UAP1: variants seen among roughly 807,000 people sequenced by gnomAD.
UAP1 encodes UDP-N-acetylhexosamine pyrophosphorylase.
UAP1 carries 25 observed loss-of-function variants against 58.5 expected under a neutral mutation model. That is an observed-to-expected ratio of 0.43 (90% CI 0.31 to 0.60). The LOEUF (loss-of-function observed/expected upper bound fraction) is 0.60. Ranked by LOEUF, UAP1 falls within the 20% of genes least tolerant of loss-of-function variation. The pLI, the probability that UAP1 is intolerant of heterozygous loss-of-function variation, is 0.11. For synonymous variants in UAP1, 208 were observed against 213.0 expected (o/e 0.98, Z 0.21); for missense variants, 575 against 630.0 (o/e 0.91, Z 0.93).
At chr1:162,590,213 A>T (rs1387544636) in intron 7 of UAP1, 110 bp from the exon 8 acceptor site, 1 of 805,762 alleles carries the variant, frequency 1.2e-6, no homozygotes, top group Non-Finnish European at 1.9e-6. Flanking sequence ...CATCATTCAG[A>T]TTGGAATAGG....
At chr1:162,597,746 A>T in intron 9 of UAP1, 46 bp from the exon 10 acceptor site, 1 of 1,545,768 alleles carries the variant, frequency 6.5e-7, no homozygotes, top group Non-Finnish European at 8.9e-7. Flanking sequence ...TCTGGCAAGT[A>T]ACATGGGAAG....
At chr1:162,582,029 A>T (rs1265699756) in intron 5 of UAP1, among the ~76,000 whole-genome samples, 1 of 152,216 alleles carries the variant, frequency 6.6e-6, no homozygotes. Context: ...ACTTTTCAAC[A>T]CGTTTTTAGT....
At chr1:162,595,124 A>G (rs978296829) in intron 9 of UAP1, among the ~76,000 whole-genome samples, 20 of 152,234 alleles carry the variant, frequency 1.3e-4, no homozygotes, top group Admixed American at 7.9e-4. Flanking sequence ...ATTGTGGGGC[A>G]GTAGGTTTAT....
chr1:162,569,960 T>C (rs377100064), intron 2 of UAP1, among the ~76,000 whole-genome samples: 2 of 152,120 alleles, frequency 1.3e-5, no homozygotes, highest in African/African-American at 2.4e-5. Context: ...CCATCCTGGC[T>C]AACACGATGA....
intron 1 of UAP1, 141 bp from the exon 2 acceptor site, chr1:162,565,871 T>G: frequency 1.7e-6 from 1 of 588,582 alleles, no homozygotes; most frequent in East Asian, 2.9e-5. Context: ...AGGTTTGATC[T>G]CTTACAAATA....
At chr1:162,592,880 T>A in intron 9 of UAP1, 98 bp downstream of exon 9, 2 of 1,129,034 alleles carry the variant, frequency 1.8e-6, no homozygotes, top group Non-Finnish European at 2.6e-6. Flanking sequence ...TTTGGGGGTC[T>A]GGAGGGAGGA....
At chr1:162,569,977 G>C (rs1415383089) in intron 2 of UAP1, among the ~76,000 whole-genome samples, 2 of 152,020 alleles carry the variant, frequency 1.3e-5, no homozygotes, top group Admixed American at 6.6e-5. Flanking sequence ...ATGAAACCCC[G>C]TCTGTACTAA....
chr1:162,585,669 T>A (rs1654863680), intron 5 of UAP1, among the ~76,000 whole-genome samples: 1 of 152,204 alleles, frequency 6.6e-6, no homozygotes, highest in African/African-American at 2.4e-5. Context: ...GGTTAATAGT[T>A]GCCATAGAAG....
At chr1:162,598,349 G>A (rs2101851768) in intron 10 of UAP1, among the ~76,000 whole-genome samples, 1 of 152,318 alleles carries the variant, frequency 6.6e-6, no homozygotes, top group African/African-American at 2.4e-5. Context: ...CTGGGAACAA[G>A]TTGAGAAGCT....
intron 2 of UAP1, among the ~76,000 whole-genome samples, chr1:162,573,193 T>A (rs1653974723): frequency 6.6e-6 from 1 of 152,054 alleles, no homozygotes. Context: ...AAAATTTCAG[T>A]GTTTGGGAAG....
chr1:162,572,863 A>G (rs1244084886), intron 2 of UAP1, among the ~76,000 whole-genome samples: 1 of 152,190 alleles, frequency 6.6e-6, no homozygotes, highest in Non-Finnish European at 1.5e-5. Context: ...TAATTATAAT[A>G]TAGCATTTTA....
chr1:162,566,868 T>C (rs1188236590), intron 2 of UAP1, among the ~76,000 whole-genome samples: 2 of 152,114 alleles, frequency 1.3e-5, no homozygotes, highest in Non-Finnish European at 2.9e-5. Flanking sequence ...CTCAAGTGAT[T>C]TCGCCTGCCT....
intron 7 of UAP1, 21 bp downstream of exon 7, chr1:162,588,854 A>G (rs756168524): frequency 1.8e-5 from 28 of 1,580,658 alleles, no homozygotes; most frequent in Admixed American, 1.5e-4. Flanking sequence ...AATAGTACCA[A>G]TAAGGTTAAA....
intron 3 of UAP1, among the ~76,000 whole-genome samples, chr1:162,579,202 A>G (rs1283879168): frequency 6.6e-6 from 1 of 152,232 alleles, no homozygotes; most frequent in Non-Finnish European, 1.5e-5. Flanking sequence ...TATGTTTAAT[A>G]TTGTAAGTAG....
intron 9 of UAP1, among the ~76,000 whole-genome samples, chr1:162,596,754 G>A (rs915009749): frequency 6.6e-6 from 1 of 152,184 alleles, no homozygotes; most frequent in South Asian, 2.1e-4. Flanking sequence ...ATTGACTCCA[G>A]CAAAGTTTGA....
chr1:162,577,059 C>CATTTTGA, intron 3 of UAP1, 78 bp downstream of exon 3: 4 of 1,310,542 alleles, frequency 3.1e-6, no homozygotes, highest in Non-Finnish European at 4.3e-6. Flanking sequence ...ATACTTTATG[C>CATTTTGA]ACTCACAGAC....
At chr1:162,562,871 C>T (rs1365070747) in intron 1 of UAP1, among the ~76,000 whole-genome samples, 1 of 152,058 alleles carries the variant, frequency 6.6e-6, no homozygotes, top group South Asian at 2.1e-4. Context: ...CATACGTATA[C>T]CAGCAGAGAT....
At chr1:162,575,012 T>C (rs2101761557) in intron 2 of UAP1, among the ~76,000 whole-genome samples, 1 of 152,346 alleles carries the variant, frequency 6.6e-6, no homozygotes, top group East Asian at 1.9e-4. Context: ...GAAGATAGTC[T>C]GAGTCTTACA....
chr1:162,588,871 T>A, intron 7 of UAP1, 38 bp downstream of exon 7: 2 of 1,566,482 alleles, frequency 1.3e-6, no homozygotes, highest in Non-Finnish European at 1.7e-6. Flanking sequence ...TAAATAAATG[T>A]CTTAAAATGC....
Sources: allele counts gnomAD v4.1 joint callset (sites outside exome capture counted in the v4.1 genomes callset), GRCh38; gene constraint gnomAD v4.1.1; transcripts MANE v1.5; gene names NCBI Gene and HGNC (gene_info 2026-07-23, HGNC 2026-07-21).